The following HPSE2 variants were observed in gnomAD, a reference collection of about 807,000 sequenced individuals.
The protein encoded by HPSE2 is heparanase 2 (inactive), also known as inactive heparanase-2.
HPSE2 carries 38 observed loss-of-function variants against 60.5 expected under a neutral mutation model. The ratio of observed to expected loss-of-function variants is 0.63; its 90% confidence interval spans 0.48 to 0.82. The LOEUF is 0.82. HPSE2 is among the 40% of genes least tolerant of loss of function. The probability of loss-of-function intolerance (pLI) is 0.00; values close to 1 mark genes in which losing one functional copy is unlikely to be tolerated. For synonymous variants in HPSE2, 295 were observed against 293.2 expected (o/e 1.01, Z -0.06); for missense variants, 713 against 740.4 (o/e 0.96, Z 0.43).
chr10:99,132,162 A>G (rs563276196), intron 3 of HPSE2, among the ~76,000 whole-genome samples: 23 of 5,332 alleles, frequency 4.3e-3, no homozygotes, highest in East Asian at 7.2e-3. Flanking sequence ...AGAAAGAAAG[A>G]AAGAAAGAAA....
At chr10:99,257,818 G>A in the HPSE2 span, among the ~76,000 whole-genome samples, 3 of 152,102 alleles carry the variant, frequency 2.0e-5, no homozygotes, top group Admixed American at 6.5e-5. Flanking sequence ...GGGGCATCAC[G>A]GAACCTGCCG....
intron 9 of HPSE2, among the ~76,000 whole-genome samples, chr10:98,518,709 G>A (rs10736133): frequency 0.77 from 114,956 of 149,732 alleles, 48,709 homozygotes; most frequent in East Asian, 0.96. Flanking sequence ...TCCATCCCAC[G>A]AGGAAAAAAA....
intron 2 of HPSE2, among the ~76,000 whole-genome samples, chr10:99,211,175 C>CA (rs564869622): frequency 0.017 from 2,500 of 146,498 alleles, 71 homozygotes; most frequent in African/African-American, 0.057. Context: ...ATAGCTTTTA[C>CA]AAAAAAAAAA....
chr10:99,146,993 TA>T (rs1202140910), intron 2 of HPSE2, among the ~76,000 whole-genome samples: 20 of 152,384 alleles, frequency 1.3e-4, no homozygotes, highest in African/African-American at 3.6e-4. Context: ...GCCTATCTCT[TA>T]ATTTCTTGTC....
At chr10:98,479,021 C>A (rs1318352598) in intron 11 of HPSE2, among the ~76,000 whole-genome samples, 1 of 152,160 alleles carries the variant, frequency 6.6e-6, no homozygotes. Flanking sequence ...AAGGGTGCTT[C>A]CTGTGTGATA....
chr10:98,534,596 G>C (rs1360445522), intron 9 of HPSE2, among the ~76,000 whole-genome samples: 1 of 152,094 alleles, frequency 6.6e-6, no homozygotes, highest in Non-Finnish European at 1.5e-5. Context: ...GTAGAGACAG[G>C]GTTTCACCAT....
chr10:98,957,413 C>T (rs910515062), intron 3 of HPSE2, among the ~76,000 whole-genome samples: 2 of 152,130 alleles, frequency 1.3e-5, no homozygotes, highest in Non-Finnish European at 2.9e-5. Context: ...GCTCACTGTT[C>T]TCACTGCAGA....
chr10:99,064,209 A>ATTTAAATATATAAACT (rs34195628), intron 3 of HPSE2, among the ~76,000 whole-genome samples: 2 of 152,164 alleles, frequency 1.3e-5, no homozygotes, highest in Non-Finnish European at 2.9e-5. Flanking sequence ...CTTGTACTTT[A>ATTTAAATATATAAACT]TGTATTTTAT....
intron 3 of HPSE2, among the ~76,000 whole-genome samples, chr10:98,788,804 C>G (rs1000233621): frequency 6.6e-6 from 1 of 150,896 alleles, no homozygotes; most frequent in South Asian, 2.1e-4. Context: ...TGCTTCGGCT[C>G]GAGCACGGTG....
In HPSE2 at chr10:98,571,364, A is replaced by G. The variant is rs114081543; in HGVS notation, c.1320+43540T>C. On this transcript the variant is annotated intron_variant, in intron 9 of 11. Transcript: ENST00000370552. ...ACTACTACTACTACTACTAAAACAA[A>G]ATTTAAAAAATCATGGGGGATCATA... is the stretch of plus-strand genomic sequence containing the variant. Among the ~76,000 whole-genome samples, 1,314 of 152,202 alleles carry G rather than the reference A, an allele frequency of 8.6e-3. 17 individuals carry two copies. Among genetic ancestry groups the G allele is most frequent in the African/African-American group, 0.03 (1,259 of 41,524 alleles).
chr10:98,511,158 G>GT (rs1380570652), intron 9 of HPSE2, among the ~76,000 whole-genome samples: 3,161 of 141,082 alleles, frequency 0.022, 42 homozygotes, highest in Non-Finnish European at 0.031. Flanking sequence ...TTTGTTTTTT[G>GT]TTTTTTTTTT....
chr10:99,103,571 T>C (rs561501554), intron 3 of HPSE2, among the ~76,000 whole-genome samples: 55 of 152,312 alleles, frequency 3.6e-4, no homozygotes, highest in African/African-American at 1.3e-3. Context: ...AGGTCATTTA[T>C]AGATTCAATG....
chr10:98,673,559 T>G (rs1947559817), intron 6 of HPSE2, among the ~76,000 whole-genome samples: 1 of 152,126 alleles, frequency 6.6e-6, no homozygotes, highest in African/African-American at 2.4e-5. Context: ...CAGGGGAGCA[T>G]GTGACTCATC....
At chr10:98,916,480 C>T (rs1282673720) in intron 3 of HPSE2, among the ~76,000 whole-genome samples, 1 of 152,160 alleles carries the variant, frequency 6.6e-6, no homozygotes, top group African/African-American at 2.4e-5. Context: ...TTCTCAGCTA[C>T]CAGGAACACA....
intron 3 of HPSE2, among the ~76,000 whole-genome samples, chr10:98,792,755 A>G (rs837730): frequency 0.79 from 119,849 of 151,974 alleles, 47,601 homozygotes; most frequent in Non-Finnish European, 0.83. Context: ...ATATAGTTCC[A>G]AAGTCTTGCA....
intron 3 of HPSE2, among the ~76,000 whole-genome samples, chr10:99,068,998 G>A (rs1842701974): frequency 2.0e-5 from 3 of 152,168 alleles, no homozygotes; most frequent in South Asian, 2.1e-4. Context: ...GAAAAGCCAA[G>A]TCCCAGCTGT....
At chr10:98,768,045 GA>G (rs1950163971) in intron 3 of HPSE2, among the ~76,000 whole-genome samples, 1 of 151,604 alleles carries the variant, frequency 6.6e-6, no homozygotes, top group Non-Finnish European at 1.5e-5. Context: ...AAAAATTCAG[GA>G]TACTTTACCT....
the HPSE2 span, among the ~76,000 whole-genome samples, chr10:99,269,802 AT>A: frequency 6.6e-6 from 1 of 152,218 alleles, no homozygotes; most frequent in Non-Finnish European, 1.5e-5. Flanking sequence ...GCAGAATAAA[AT>A]TGGAAATCAA....
At chr10:99,081,680 AG>A (rs1843146355) in intron 3 of HPSE2, among the ~76,000 whole-genome samples, 2 of 151,922 alleles carry the variant, frequency 1.3e-5, no homozygotes, top group South Asian at 4.2e-4. Flanking sequence ...TCTGTCACCC[AG>A]GCTGGAGTGC....
Sources: allele counts gnomAD v4.1 joint callset (sites outside exome capture counted in the v4.1 genomes callset), GRCh38; gene constraint gnomAD v4.1.1; transcripts MANE v1.5; gene names NCBI Gene and HGNC (gene_info 2026-07-23, HGNC 2026-07-21).